The following CDH12 variants were observed in gnomAD, a reference collection of about 807,000 sequenced individuals.
CDH12 encodes the protein cadherin 12.
Under a neutral mutation model 74.1 loss-of-function variants are expected in CDH12, and 41 were observed. That is an observed-to-expected ratio of 0.55 (90% CI 0.43 to 0.72). The LOEUF (loss-of-function observed/expected upper bound fraction) is 0.72, where lower values mean the gene tolerates loss of function less well. Ranked by LOEUF, CDH12 falls within the 30% of genes least tolerant of loss-of-function variation. The pLI is 0.00. For missense variants in CDH12, 945 were observed against 977.2 expected (o/e 0.97, Z 0.44); for synonymous variants, 399 against 355.0 (o/e 1.12, Z -1.39).
chr5:22,770,114 C>T (rs534793163), intron 1 of CDH12, among the ~76,000 whole-genome samples: 15 of 150,870 alleles, frequency 9.9e-5, no homozygotes, highest in African/African-American at 2.9e-4. Flanking sequence ...TGTCCCCAGG[C>T]GTGAACTTTT....
At chr5:22,466,957 T>C (rs1233921658) in intron 2 of CDH12, among the ~76,000 whole-genome samples, 1 of 151,518 alleles carries the variant, frequency 6.6e-6, no homozygotes, top group Admixed American at 6.6e-5. Flanking sequence ...GCCTGCTAAT[T>C]TTTGTATTTT....
At chr5:22,545,250 A>C (rs538436299) in intron 1 of CDH12, among the ~76,000 whole-genome samples, 12 of 152,318 alleles carry the variant, frequency 7.9e-5, no homozygotes, top group African/African-American at 2.4e-4. Flanking sequence ...GGTGGGGGCC[A>C]CACTGCCTCT....
intron 9 of CDH12, among the ~76,000 whole-genome samples, chr5:21,812,562 A>C (rs1403874445): frequency 6.6e-6 from 1 of 152,168 alleles, no homozygotes; most frequent in Non-Finnish European, 1.5e-5. Flanking sequence ...ACCCAAAAGC[A>C]TTCTGTACTT....
intron 3 of CDH12, among the ~76,000 whole-genome samples, chr5:22,291,518 A>G (rs1580488562): frequency 1.3e-5 from 2 of 152,352 alleles, no homozygotes; most frequent in Middle Eastern, 6.8e-3. Context: ...TGCAGAATAT[A>G]AAATCAACAG....
intron 2 of CDH12, among the ~76,000 whole-genome samples, chr5:22,437,143 AT>A (rs1184904078): frequency 3.3e-5 from 5 of 151,964 alleles, no homozygotes; most frequent in Admixed American, 6.6e-5. Context: ...TTTAACGCAT[AT>A]TTTTTCTTCA....
At position 22,041,938 on chromosome 5, in the gene CDH12, T is replaced by C. The variant is rs115867623; in HGVS notation, c.231+36508A>G. Among the ~76,000 whole-genome samples, 578 of 152,240 alleles carry C rather than the reference T, an allele frequency of 3.8e-3. 7 individuals are homozygous for C. The highest frequency in any genetic ancestry group is 0.014 in the Middle Eastern group (4 of 294). ...AAGACTTAACAAATGTAAAACAAAT[T>C]GAAATCATGTCAAGTATTATTTCTG... On this transcript the variant is annotated intron_variant, in intron 5 of 14. Coordinates refer to ENST00000382254, the MANE Select transcript of CDH12 (RefSeq NM_004061.5).
intron 1 of CDH12, among the ~76,000 whole-genome samples, chr5:22,844,682 T>C (rs183969375): frequency 2.2e-4 from 33 of 152,306 alleles, no homozygotes; most frequent in Admixed American, 2.1e-3. Context: ...TGTAGAGAGA[T>C]ACTCCACAAG....
Position 21,975,194 on chromosome 5 carries a change from C to T in CDH12, c.423G>A (p.Glu141=), listed in dbSNP as rs777558220. Residue 141 remains glutamate, a synonymous_variant, in exon 6 of 15, where the codon GAG becomes GAA. Transcript: ENST00000382254. ...AVDIETRKPL[E]PESEFIIKVQ... ...CTTTGATGATGAATTCTGATTCAGG[C>T]TCCAGGGGCTTTCTGGTTTCTATGT... 1.9e-6 allele frequency: 3 copies of T among 1,597,044 alleles called. No individual in the cohort carries two copies. Among genetic ancestry groups the T allele is most frequent in the Non-Finnish European group, 2.5e-6 (3 of 1,179,424 alleles).
intron 6 of CDH12, among the ~76,000 whole-genome samples, chr5:21,957,245 GA>G (rs201706690): frequency 0.013 from 2,014 of 152,180 alleles, 14 homozygotes; most frequent in African/African-American, 0.024. Context: ...TTACTGCAAA[GA>G]ACATGATCTC....
intron 2 of CDH12, among the ~76,000 whole-genome samples, chr5:22,487,141 T>C (rs1313657016): frequency 6.6e-6 from 1 of 152,080 alleles, no homozygotes; most frequent in African/African-American, 2.4e-5. Context: ...TAGCTGGGAT[T>C]ACAGGCATGT....
At chr5:22,535,474 T>A (rs1047364006) in intron 1 of CDH12, among the ~76,000 whole-genome samples, 13 of 152,150 alleles carry the variant, frequency 8.5e-5, no homozygotes, top group African/African-American at 4.8e-5. Flanking sequence ...ATTTTTTATC[T>A]GTCATACATT....
At chr5:21,987,826 G>A (rs1757579126) in intron 5 of CDH12, among the ~76,000 whole-genome samples, 3 of 152,112 alleles carry the variant, frequency 2.0e-5, no homozygotes, top group African/African-American at 7.2e-5. Flanking sequence ...TTGTGAATCA[G>A]TATCACTTTT....
At chr5:21,840,945 G>T (rs955534590) in intron 8 of CDH12, among the ~76,000 whole-genome samples, 8 of 151,888 alleles carry the variant, frequency 5.3e-5, no homozygotes, top group Non-Finnish European at 1.0e-4. Context: ...ACATAGGCAT[G>T]GGTAAGGACT....
intron 1 of CDH12, among the ~76,000 whole-genome samples, chr5:22,839,513 G>A (rs1030807870): frequency 3.3e-5 from 5 of 151,926 alleles, no homozygotes; most frequent in Middle Eastern, 3.4e-3. Context: ...CCACCATCAC[G>A]TCTGGCTAAT....
At chr5:22,755,714 C>A (rs1192430228) in intron 1 of CDH12, among the ~76,000 whole-genome samples, 1 of 152,062 alleles carries the variant, frequency 6.6e-6, no homozygotes, top group African/African-American at 2.4e-5. Flanking sequence ...ACTTTACTTG[C>A]CCAAATATAT....
intron 6 of CDH12, among the ~76,000 whole-genome samples, chr5:21,965,730 C>T (rs1283280012): frequency 1.3e-5 from 2 of 151,818 alleles, no homozygotes; most frequent in Admixed American, 1.3e-4. Context: ...ATTATTAATA[C>T]TGGTGAGTTT....
intron 1 of CDH12, among the ~76,000 whole-genome samples, chr5:22,665,177 C>T (rs564796272): frequency 2.0e-4 from 31 of 152,176 alleles, no homozygotes; most frequent in Non-Finnish European, 2.9e-4. Context: ...AGTATAGAAT[C>T]GCTAAAAATA....
At chr5:21,998,987 A>G (rs1307783282) in intron 5 of CDH12, among the ~76,000 whole-genome samples, 1 of 152,222 alleles carries the variant, frequency 6.6e-6, no homozygotes, top group African/African-American at 2.4e-5. Flanking sequence ...ATTTCATCTT[A>G]AAGTTTGCCT....
chr5:22,728,563 C>T lies in CDH12; in HGVS notation c.-523+124495G>A, dbSNP rs146682954. Among the ~76,000 whole-genome samples the T allele has an allele frequency of 7.2e-5, 11 of 151,960 alleles. No homozygotes were observed. In the East Asian group the frequency reaches 2.1e-3, roughly 30 times the overall value. On this transcript the variant is annotated intron_variant, in intron 1 of 14. Coordinates refer to ENST00000382254, the MANE Select transcript of CDH12 (RefSeq NM_004061.5). ...AAGGAAAAAAATTCTGTTTGCTTCT[C>T]CTAGGCATCCACAGGTACTGGCCAT... is the stretch of plus-strand genomic sequence containing the variant.
Sources: gnomAD v4.1 joint callset for allele counts (sites outside exome capture counted in the v4.1 genomes callset) on GRCh38, gnomAD v4.1.1 for gene constraint, MANE v1.5 for transcripts, NCBI Gene and HGNC (gene_info 2026-07-23, HGNC 2026-07-21) for gene names.